The following PLPPR1 variants were observed in gnomAD, a reference collection of about 807,000 sequenced individuals.
The protein encoded by PLPPR1 is phospholipid phosphatase-related protein type 1.
A neutral mutation model predicts 33.1 loss-of-function variants in PLPPR1; 10 were observed. That is an observed-to-expected ratio of 0.30 (90% CI 0.19 to 0.51). The LOEUF (loss-of-function observed/expected upper bound fraction) is 0.51, where lower values mean the gene tolerates loss of function less well. PLPPR1 is among the 20% of genes least tolerant of loss of function. The pLI, the probability that PLPPR1 is intolerant of heterozygous loss-of-function variation, is 0.97. For missense variants in PLPPR1, 304 were observed against 408.1 expected (o/e 0.74, Z 2.20); for synonymous variants, 151 against 151.0 (o/e 1.00, Z 0.00).
intron 1 of PLPPR1, among the ~76,000 whole-genome samples, chr9:101,177,341 C>T (rs566971456): frequency 2.6e-5 from 4 of 152,148 alleles, no homozygotes; most frequent in Admixed American, 1.3e-4. Flanking sequence ...AAATTTATTC[C>T]TAAGTATTGT....
chr9:101,267,730 T>C (rs1554686160), intron 2 of PLPPR1, among the ~76,000 whole-genome samples: 1 of 152,228 alleles, frequency 6.6e-6, no homozygotes, highest in Non-Finnish European at 1.5e-5. Flanking sequence ...CTGGGTGCAG[T>C]GGCTCATGCC....
intron 1 of PLPPR1, among the ~76,000 whole-genome samples, chr9:101,090,935 C>T (rs1386893438): frequency 6.6e-6 from 1 of 151,650 alleles, no homozygotes; most frequent in Admixed American, 6.6e-5. Context: ...TGCTAGGTCC[C>T]TTCCTATCCT....
intron 1 of PLPPR1, among the ~76,000 whole-genome samples, chr9:101,175,413 A>G (rs1414000347): frequency 6.6e-6 from 1 of 152,164 alleles, no homozygotes; most frequent in Non-Finnish European, 1.5e-5. Context: ...TTTAAAATAA[A>G]ATAAAACATT....
At chr9:101,149,514 C>G (rs551015110) in intron 1 of PLPPR1, among the ~76,000 whole-genome samples, 1 of 152,290 alleles carries the variant, frequency 6.6e-6, no homozygotes, top group South Asian at 2.1e-4. Context: ...AGTTCCATAC[C>G]TGGCTTACAC....
intron 1 of PLPPR1, among the ~76,000 whole-genome samples, chr9:101,137,465 T>G (rs959626930): frequency 2.6e-5 from 4 of 152,312 alleles, no homozygotes; most frequent in Non-Finnish European, 5.9e-5. Context: ...TTAGGGACAC[T>G]GATAGCCCAT....
At chr9:101,293,949 A>C (rs1828568574) in intron 4 of PLPPR1, among the ~76,000 whole-genome samples, 1 of 152,206 alleles carries the variant, frequency 6.6e-6, no homozygotes, top group East Asian at 1.9e-4. Flanking sequence ...GAAATAACTA[A>C]AATCAGAGCA....
At chr9:101,128,494 A>G (rs947351266) in intron 1 of PLPPR1, among the ~76,000 whole-genome samples, 2 of 152,164 alleles carry the variant, frequency 1.3e-5, no homozygotes, top group African/African-American at 4.8e-5. Flanking sequence ...TTCAGTTTCC[A>G]TTTGCTGTTT....
intron 1 of PLPPR1, among the ~76,000 whole-genome samples, chr9:101,127,013 T>A (rs1053527891): frequency 1.3e-5 from 2 of 151,740 alleles, no homozygotes; most frequent in African/African-American, 4.8e-5. Flanking sequence ...TGGGCAAAAC[T>A]GCTTTACTGC....
At chr9:101,310,523 T>C (rs1377414867) in intron 5 of PLPPR1, among the ~76,000 whole-genome samples, 3 of 152,170 alleles carry the variant, frequency 2.0e-5, no homozygotes, top group Non-Finnish European at 4.4e-5. Flanking sequence ...ACCCTTCCTG[T>C]CACTGAGTGT....
chr9:101,041,769 A>G (rs2118420521), intron 1 of PLPPR1, among the ~76,000 whole-genome samples: 1 of 152,214 alleles, frequency 6.6e-6, no homozygotes, highest in African/African-American at 2.4e-5. Context: ...TGAAAAACAT[A>G]AGTCTGAGTC....
intron 2 of PLPPR1, among the ~76,000 whole-genome samples, chr9:101,227,440 G>A (rs761472431): frequency 6.6e-6 from 1 of 152,108 alleles, no homozygotes; most frequent in Non-Finnish European, 1.5e-5. Context: ...GTTGTTGGCT[G>A]CATGAATGTC....
At chr9:101,172,282 T>A (rs530103389) in intron 1 of PLPPR1, among the ~76,000 whole-genome samples, 2 of 152,024 alleles carry the variant, frequency 1.3e-5, no homozygotes, top group South Asian at 4.1e-4. Context: ...TATAACATGT[T>A]AAGATGTCTT....
intron 4 of PLPPR1, among the ~76,000 whole-genome samples, chr9:101,294,800 C>T (rs1033859715): frequency 5.9e-5 from 9 of 152,090 alleles, no homozygotes; most frequent in South Asian, 2.1e-4. Context: ...TGGGACGTAT[C>T]TCAAAATAAT....
intron 1 of PLPPR1, among the ~76,000 whole-genome samples, chr9:101,093,603 A>C (rs1301201021): frequency 6.6e-6 from 1 of 152,174 alleles, no homozygotes; most frequent in Non-Finnish European, 1.5e-5. Flanking sequence ...TTTTGCATTC[A>C]ACCCTATGTT....
chr9:101,048,471 A>G (rs947864890), intron 1 of PLPPR1, among the ~76,000 whole-genome samples: 1 of 152,180 alleles, frequency 6.6e-6, no homozygotes, highest in African/African-American at 2.4e-5. Flanking sequence ...AGTCTCTTAT[A>G]TATTCCTACA....
intron 1 of PLPPR1, among the ~76,000 whole-genome samples, chr9:101,088,363 C>T (rs961563701): frequency 6.6e-5 from 10 of 151,756 alleles, no homozygotes; most frequent in African/African-American, 2.4e-4. Flanking sequence ...ATGATGTACA[C>T]CTTAAATGTA....
At chr9:101,319,081 AATT>A (rs10588541) in intron 7 of PLPPR1, among the ~76,000 whole-genome samples, 40,233 of 151,992 alleles carry the variant, frequency 0.26, 5,575 homozygotes, top group African/African-American at 0.34. Context: ...TTCCCTTTGG[AATT>A]ATTATGTACT....
chr9:101,280,514 A>G (rs922531802), intron 3 of PLPPR1, among the ~76,000 whole-genome samples: 1 of 152,132 alleles, frequency 6.6e-6, no homozygotes, highest in Non-Finnish European at 1.5e-5. Context: ...CAATATCCCT[A>G]ATGAACATGG....
chr9:101,058,837 T>G (rs971105936), intron 1 of PLPPR1, among the ~76,000 whole-genome samples: 4 of 152,154 alleles, frequency 2.6e-5, no homozygotes, highest in Non-Finnish European at 5.9e-5. Flanking sequence ...ATTTAATCCT[T>G]AAAATTACTC....
Sources: allele counts gnomAD v4.1 joint callset (sites outside exome capture counted in the v4.1 genomes callset), GRCh38; gene constraint gnomAD v4.1.1; transcripts MANE v1.5; gene names NCBI Gene and HGNC (gene_info 2026-07-23, HGNC 2026-07-21).